The following TRAPPC9 variants were observed in gnomAD, a reference collection of about 807,000 sequenced individuals.
TRAPPC9 encodes the protein IKK2 binding protein.
In TRAPPC9, 83 loss-of-function variants were observed where a neutral mutation model predicts 124.0. The ratio of observed to expected loss-of-function variants is 0.67; its 90% CI spans 0.56 to 0.80. The LOEUF (loss-of-function observed/expected upper bound fraction) is 0.80, where lower values mean the gene tolerates loss of function less well. Among genes scored for constraint, TRAPPC9 ranks in the 30% least tolerant of loss-of-function variants. The probability of loss-of-function intolerance (pLI) is 0.00; values close to 1 mark genes in which losing one functional copy is unlikely to be tolerated. For missense variants in TRAPPC9, 1,302 were observed against 1,508.3 expected (o/e 0.86, Z 2.27); for synonymous variants, 638 against 617.5 (o/e 1.03, Z -0.49).
At chr8:140,222,631 T>G (rs2063360441) in intron 16 of TRAPPC9, among the ~76,000 whole-genome samples, 1 of 152,218 alleles carries the variant, frequency 6.6e-6, no homozygotes, top group Admixed American at 6.5e-5. Flanking sequence ...GGCCTCTGCA[T>G]GATACACCAT....
intron 20 of TRAPPC9, among the ~76,000 whole-genome samples, chr8:139,895,976 C>T (rs556315501): frequency 9.8e-5 from 15 of 152,324 alleles, no homozygotes; most frequent in African/African-American, 2.6e-4. Context: ...GGAGCAAGTC[C>T]GCCTGTGAGT....
intron 21 of TRAPPC9, among the ~76,000 whole-genome samples, chr8:139,798,988 G>A (rs187305111): frequency 1.3e-5 from 2 of 152,172 alleles, no homozygotes; most frequent in Non-Finnish European, 2.9e-5. Flanking sequence ...CACTCCAATC[G>A]TGGCCTCCTA....
intron 21 of TRAPPC9, among the ~76,000 whole-genome samples, chr8:139,829,010 A>T (rs983368758): frequency 1.2e-4 from 19 of 152,240 alleles, no homozygotes; most frequent in African/African-American, 4.6e-4. Context: ...TTCTCTGCTT[A>T]AAAATTCCTA....
intron 20 of TRAPPC9, among the ~76,000 whole-genome samples, chr8:139,900,238 C>G (rs1403629133): frequency 3.9e-5 from 6 of 152,352 alleles, no homozygotes; most frequent in Middle Eastern, 6.8e-3. Context: ...AGAGACGGCG[C>G]TGTTTGCTGT....
intron 20 of TRAPPC9, among the ~76,000 whole-genome samples, chr8:139,897,554 C>T (rs912328317): frequency 6.6e-6 from 1 of 152,228 alleles, no homozygotes; most frequent in Non-Finnish European, 1.5e-5. Context: ...TCCATAAATG[C>T]CTGCTGCTTT....
At chr8:139,987,842 C>T (rs540353166) in intron 19 of TRAPPC9, among the ~76,000 whole-genome samples, 30 of 152,240 alleles carry the variant, frequency 2.0e-4, no homozygotes, top group Admixed American at 5.9e-4. Flanking sequence ...CACCTGCCTC[C>T]GGGCAAGCCC....
chr8:140,334,621 GCTTGGGCGA>G (rs2066986305), intron 9 of TRAPPC9, among the ~76,000 whole-genome samples: 1 of 151,788 alleles, frequency 6.6e-6, no homozygotes, highest in Non-Finnish European at 1.5e-5. Flanking sequence ...TTGTACCACA[GCTTGGGCGA>G]CAGAGCGAGA....
At chr8:140,000,505 G>C (rs1238225156) in intron 18 of TRAPPC9, among the ~76,000 whole-genome samples, 3 of 152,144 alleles carry the variant, frequency 2.0e-5, no homozygotes, top group African/African-American at 7.2e-5. Context: ...CTAATATCCA[G>C]AATCTACAAA....
chr8:139,952,318 G>A (rs951865504), intron 19 of TRAPPC9, among the ~76,000 whole-genome samples: 1 of 152,156 alleles, frequency 6.6e-6, no homozygotes, highest in Non-Finnish European at 1.5e-5. Context: ...TATTATTATT[G>A]TCACAGAAGA....
At chr8:139,778,006 GA>G (rs1207001619) in intron 21 of TRAPPC9, among the ~76,000 whole-genome samples, 3 of 150,120 alleles carry the variant, frequency 2.0e-5, no homozygotes, top group South Asian at 4.4e-4. Context: ...GAGAGAGAGA[GA>G]AAAAAAAACC....
At chr8:140,106,847 CCT>C (rs1467822060) in intron 17 of TRAPPC9, among the ~76,000 whole-genome samples, 1 of 152,182 alleles carries the variant, frequency 6.6e-6, no homozygotes, top group East Asian at 1.9e-4. Context: ...AGATCCCTTT[CCT>C]GTTTTTCTCC....
intron 21 of TRAPPC9, among the ~76,000 whole-genome samples, chr8:139,877,304 C>T (rs563751563): frequency 6.6e-6 from 1 of 152,202 alleles, no homozygotes; most frequent in Non-Finnish European, 1.5e-5. Context: ...TCACCATGAC[C>T]GGGTCTCTAT....
chr8:140,054,654 A>C (rs536256198), intron 17 of TRAPPC9, among the ~76,000 whole-genome samples: 1 of 152,304 alleles, frequency 6.6e-6, no homozygotes, highest in South Asian at 2.1e-4. Flanking sequence ...TAGTGGGACT[A>C]AAAAACGAAG....
chr8:139,749,809 C>T (rs1318095693), intron 21 of TRAPPC9, among the ~76,000 whole-genome samples: 1 of 152,192 alleles, frequency 6.6e-6, no homozygotes, highest in Non-Finnish European at 1.5e-5. Context: ...TGCCCCTGTG[C>T]TGGACTGGAG....
At position 140,002,582 on chromosome 8, in the gene TRAPPC9, C is replaced by T. The variant is rs552579493; in HGVS notation, c.2700-13746G>A. On this transcript the variant is annotated intron_variant, in intron 18 of 22. Transcript: ENST00000438773. Reference sequence around the variant, plus strand: ...CCCAATTTTAGTAGTAAAAGATTTACTGTAGGGTACACTAACATAGTAGTA... The same window carrying T: ...CCCAATTTTAGTAGTAAAAGATTTATTGTAGGGTACACTAACATAGTAGTA... 2.7e-4 allele frequency among the ~76,000 whole-genome samples: 41 copies of T among 152,018 alleles called. 2 individuals are homozygous for T. In the East Asian group the frequency reaches 7.0e-3, roughly 26 times the overall value.
chr8:140,027,477 G>A (rs1840220255), intron 17 of TRAPPC9, among the ~76,000 whole-genome samples: 1 of 152,044 alleles, frequency 6.6e-6, no homozygotes, highest in South Asian at 2.1e-4. Context: ...ATCACCTGGG[G>A]AATGAACAAA....
chr8:140,204,959 T>G (rs757337722), intron 17 of TRAPPC9, among the ~76,000 whole-genome samples: 14 of 152,228 alleles, frequency 9.2e-5, no homozygotes, highest in Non-Finnish European at 1.8e-4. Context: ...GCTGAGGATG[T>G]AGGCCAGATG....
chr8:139,970,518 C>T (rs1250329348), intron 19 of TRAPPC9, among the ~76,000 whole-genome samples: 1 of 152,128 alleles, frequency 6.6e-6, no homozygotes, highest in East Asian at 1.9e-4. Context: ...TCTGGCACCC[C>T]AGAGAGAGGC....
intron 18 of TRAPPC9, among the ~76,000 whole-genome samples, chr8:140,018,595 G>A (rs1033857748): frequency 6.6e-6 from 1 of 151,998 alleles, no homozygotes; most frequent in Non-Finnish European, 1.5e-5. Flanking sequence ...CCAAAGTGCT[G>A]GGATTACAGG....
Sources: gnomAD v4.1 joint callset for allele counts (sites outside exome capture counted in the v4.1 genomes callset) on GRCh38, gnomAD v4.1.1 for gene constraint, MANE v1.5 for transcripts, NCBI Gene and HGNC (gene_info 2026-07-23, HGNC 2026-07-21) for gene names.